LTBP1: variants seen among roughly 807,000 people sequenced by gnomAD.
LTBP1 encodes the protein latent-transforming growth factor beta-binding protein 1.
In LTBP1, 129 loss-of-function variants were observed where a neutral mutation model predicts 207.6. The ratio of observed to expected loss-of-function variants is 0.62; its 90% CI spans 0.54 to 0.72. LTBP1 has a LOEUF of 0.72. Among genes scored for constraint, LTBP1 ranks in the 30% least tolerant of loss-of-function variants. LTBP1 has a pLI of 0.00. For missense variants in LTBP1, 2,281 were observed against 2,217.2 expected (o/e 1.03, Z -0.58); for synonymous variants, 963 against 833.7 (o/e 1.16, Z -2.67).
At chr2:32,987,997 A>C (rs1487563201) in intron 2 of LTBP1, among the ~76,000 whole-genome samples, 1 of 152,210 alleles carries the variant, frequency 6.6e-6, no homozygotes, top group Non-Finnish European at 1.5e-5. Context: ...GTACCCACAG[A>C]GGTGGTAAAG....
chr2:33,179,741 T>C (rs1020353201), intron 5 of LTBP1, among the ~76,000 whole-genome samples: 31 of 151,788 alleles, frequency 2.0e-4, no homozygotes, highest in Non-Finnish European at 4.4e-5. Flanking sequence ...CCAGTGCACA[T>C]TGAAAGCGTA....
Position 33,275,790 on chromosome 2 carries a change from GC to G in LTBP1, c.2870-10del, listed in dbSNP as rs536410529. Reference sequence around the variant, plus strand: ...AACACAAAACTCAACAATGCTATCTGCTCTTCGTAGATGTTGACGAATGCCT... The same window carrying G: ...AACACAAAACTCAACAATGCTATCTGTCTTCGTAGATGTTGACGAATGCCT... On this transcript the variant is annotated splice_polypyrimidine_tract_variant and intron_variant, in intron 17 of 33. Transcript: ENST00000404816. 743 of 1,613,978 alleles carry G rather than the reference GC, an allele frequency of 4.6e-4. No homozygotes were observed. The highest frequency in any genetic ancestry group is 5.7e-4 in the Non-Finnish European group (677 of 1,179,848).
At chr2:33,389,426 C>T (rs1055742733) in intron 32 of LTBP1, 120 bp downstream of exon 32, 2 of 1,381,512 alleles carry the variant, frequency 1.4e-6, no homozygotes, top group African/African-American at 2.9e-5. Context: ...CCCAGACCTG[C>T]TGGTCAGAAA....
At chr2:33,315,655 T>A (rs1040990811) in intron 24 of LTBP1, among the ~76,000 whole-genome samples, 1 of 152,162 alleles carries the variant, frequency 6.6e-6, no homozygotes, top group African/African-American at 2.4e-5. Context: ...GTGTAAAAAA[T>A]GTCTTGCGGC....
chr2:33,376,320 C>G (rs576342032), intron 31 of LTBP1, among the ~76,000 whole-genome samples: 11 of 152,356 alleles, frequency 7.2e-5, no homozygotes, highest in African/African-American at 2.6e-4. Context: ...TAGGCACTAA[C>G]ACATGTACAA....
chr2:33,301,652 T>C lies in LTBP1; in HGVS notation c.3481+8T>C. ...TTGGAGACCACTGTGAAGGTAAGAA[T>C]TGCTCCTGATTTCAGAATCATAAAA... On this transcript the variant is annotated splice_region_variant and intron_variant, in intron 22 of 33. Transcript: ENST00000404816. The C allele has an allele frequency of 6.3e-6, 10 of 1,576,326 alleles. No homozygotes were observed. Among genetic ancestry groups the C allele is most frequent in the Non-Finnish European group, 8.6e-6 (10 of 1,165,292 alleles).
chr2:32,985,025 TGAAA>T (rs899304892), intron 2 of LTBP1, among the ~76,000 whole-genome samples: 3 of 152,216 alleles, frequency 2.0e-5, no homozygotes, highest in African/African-American at 7.2e-5. Context: ...TAAATTTACT[TGAAA>T]GAAAGTGCTA....
rs1676346752 is a variant in LTBP1 at position 32,947,444 on chromosome 2, C to G, written c.120C>G (p.Ala40=). ...YVVHPGPGLA[A]GALPLSGPPR... is the part of the protein sequence containing the mutation. ...TGCACCCGGGCCCCGGCCTGGCAGC[C>G]GGCGCCTTGCCCCTGAGCGGGCCCC... Residue 40 remains alanine (A), a synonymous_variant, in exon 1 of 34, where the codon GCC becomes GCG. Transcript: ENST00000404816. 6.9e-7 allele frequency: 1 copy of G among 1,443,300 alleles called. No individual in the cohort carries two copies. Among genetic ancestry groups the G allele is most frequent in the Non-Finnish European group, 9.1e-7 (1 of 1,100,760 alleles). 89.4% of individuals were successfully genotyped at this position (1,443,300 alleles called of 1,614,324 possible). A position where few individuals can be genotyped will look rare whatever the true frequency, so the allele number is the denominator to read the frequency against.
chr2:33,111,616 T>G (rs2080406327), intron 4 of LTBP1, among the ~76,000 whole-genome samples: 1 of 152,088 alleles, frequency 6.6e-6, no homozygotes, highest in South Asian at 2.1e-4. Flanking sequence ...TGTTGTGGCT[T>G]TGGTTCCCTA....
chr2:33,200,517 A>G (rs557828818), intron 7 of LTBP1, among the ~76,000 whole-genome samples: 11 of 152,340 alleles, frequency 7.2e-5, no homozygotes, highest in African/African-American at 1.4e-4. Context: ...TAAAACCATA[A>G]AAACCCTAGA....
chr2:33,162,609 C>A (rs898256431), intron 5 of LTBP1, among the ~76,000 whole-genome samples: 1 of 152,122 alleles, frequency 6.6e-6, no homozygotes, highest in East Asian at 1.9e-4. Flanking sequence ...AGCTCATGAG[C>A]AGATGGAAGA....
chr2:33,319,861 G>A (rs974225603), intron 24 of LTBP1, among the ~76,000 whole-genome samples: 1 of 152,206 alleles, frequency 6.6e-6, no homozygotes, highest in Admixed American at 6.5e-5. Flanking sequence ...GTTAGTCATG[G>A]CTAATTAGGC....
At chr2:33,365,014 G>A (rs1045086710) in intron 30 of LTBP1, among the ~76,000 whole-genome samples, 1 of 152,178 alleles carries the variant, frequency 6.6e-6, no homozygotes, top group African/African-American at 2.4e-5. Flanking sequence ...AAATGAAAAA[G>A]TGAAGATTAG....
intron 3 of LTBP1, among the ~76,000 whole-genome samples, chr2:33,086,323 G>A (rs2078753163): frequency 6.6e-6 from 1 of 152,210 alleles, no homozygotes; most frequent in South Asian, 2.1e-4. Flanking sequence ...GTTGCAAGAT[G>A]GGAATACATC....
intron 11 of LTBP1, among the ~76,000 whole-genome samples, chr2:33,254,852 GTTTTTTTTTTT>G (rs70938393): frequency 5.8e-4 from 6 of 10,362 alleles, no homozygotes; most frequent in Non-Finnish European, 7.3e-4. Context: ...GCGGTGTTTG[GTTTTTTTTTTT>G]TTTTTTTTTT....
At chr2:33,360,871 C>G in intron 27 of LTBP1, 92 bp downstream of exon 27, 1 of 1,094,830 alleles carries the variant, frequency 9.1e-7, no homozygotes, top group Non-Finnish European at 1.4e-6. Context: ...CCACAGCCAA[C>G]TCAAGGCGAC....
chr2:33,156,548 G>A (rs2083991966), intron 5 of LTBP1, among the ~76,000 whole-genome samples: 1 of 152,134 alleles, frequency 6.6e-6, no homozygotes, highest in African/African-American at 2.4e-5. Context: ...TGTTGTGAGG[G>A]TTAAATGACA....
chr2:33,019,798 G>C (rs2075065012), intron 2 of LTBP1, among the ~76,000 whole-genome samples: 1 of 151,974 alleles, frequency 6.6e-6, no homozygotes, highest in Non-Finnish European at 1.5e-5. Flanking sequence ...GGTCACTGCA[G>C]CCTCGACCTC....
At chr2:33,290,674 A>G (rs749921734) in intron 19 of LTBP1, among the ~76,000 whole-genome samples, 2 of 152,202 alleles carry the variant, frequency 1.3e-5, no homozygotes, top group African/African-American at 2.4e-5. Flanking sequence ...GGGCAATAAC[A>G]ATGTGAGGAA....
Sources: allele counts gnomAD v4.1 joint callset (sites outside exome capture counted in the v4.1 genomes callset), GRCh38; gene constraint gnomAD v4.1.1; transcripts MANE v1.5; gene names NCBI Gene and HGNC (gene_info 2026-07-23, HGNC 2026-07-21).